Variants in KIAA1217 observed in about 807,000 individuals in gnomAD.
The protein encoded by KIAA1217 is KIAA1217.
KIAA1217 carries 88 observed loss-of-function variants against 163.9 expected under a neutral mutation model. The observed-to-expected ratio is 0.54, with a 90% CI of 0.45 to 0.64. KIAA1217 has a LOEUF of 0.64. KIAA1217 is among the 30% of genes least tolerant of loss of function. The pLI, the probability that KIAA1217 is intolerant of heterozygous loss-of-function variation, is 0.00. For missense variants in KIAA1217, 2,372 were observed against 2,475.0 expected (o/e 0.96, Z 0.88); for synonymous variants, 903 against 923.1 (o/e 0.98, Z 0.39).
chr10:23,967,674 T>C (rs1196448519), intron 1 of KIAA1217, among the ~76,000 whole-genome samples: 2 of 152,222 alleles, frequency 1.3e-5, no homozygotes, highest in Non-Finnish European at 2.9e-5. Context: ...AATTTGACAC[T>C]ATTATTTTGG....
intron 10 of KIAA1217, among the ~76,000 whole-genome samples, chr10:24,519,614 A>C (rs2070764595): frequency 6.6e-6 from 1 of 152,160 alleles, no homozygotes; most frequent in African/African-American, 2.4e-5. Flanking sequence ...GGGCGCTGCT[A>C]AACATCGTAC....
rs530373977 is a variant in KIAA1217 at position 24,148,206 on chromosome 10, A to G, written c.-170-71420A>G. ...ATTCTTAACTACTGCATTCATTACT[A>G]TGAATAGATTTAAAATTTTTCTTGC... is the stretch of plus-strand genomic sequence containing the variant. On this transcript the variant is annotated intron_variant, in intron 2 of 18. Transcript: ENST00000376462. 6.6e-5 allele frequency among the ~76,000 whole-genome samples: 10 copies of G among 152,230 alleles called. No homozygotes were observed. In the South Asian group the frequency reaches 1.9e-3, roughly 28 times the overall value.
intron 2 of KIAA1217, among the ~76,000 whole-genome samples, chr10:24,304,261 C>T (rs1014263442): frequency 6.8e-6 from 1 of 147,624 alleles, no homozygotes; most frequent in Admixed American, 6.8e-5. Flanking sequence ...TGCAACTGTC[C>T]TTCATTCTGT....
chr10:24,071,527 A>G (rs1336912710), intron 2 of KIAA1217, among the ~76,000 whole-genome samples: 1 of 152,196 alleles, frequency 6.6e-6, no homozygotes, highest in Non-Finnish European at 1.5e-5. Flanking sequence ...TTACAACTTA[A>G]TATCTGATTA....
intron 2 of KIAA1217, among the ~76,000 whole-genome samples, chr10:24,374,092 C>T (rs777166611): frequency 9.9e-5 from 15 of 152,040 alleles, no homozygotes; most frequent in South Asian, 2.1e-4. Flanking sequence ...GAAATATTAG[C>T]GTTGAAGAAA....
rs117185533 is a variant in KIAA1217, at chr10:23,962,389, C to A, written c.-320-44836C>A. Among the ~76,000 whole-genome samples, 441 of 152,208 alleles carry A rather than the reference C, an allele frequency of 2.9e-3. 1 individual carries two copies. Among genetic ancestry groups the A allele is most frequent in the Non-Finnish European group, 3.7e-3 (249 of 68,024 alleles). On this transcript the variant is annotated intron_variant, in intron 1 of 18. Transcript: ENST00000376462. Reference sequence around the variant, plus strand: ...AACAGATATTAACTCAAACATGGCACCTTCTTGTTATTTTTATCATCACCA... The same window carrying A: ...AACAGATATTAACTCAAACATGGCAACTTCTTGTTATTTTTATCATCACCA...
intron 1 of KIAA1217, among the ~76,000 whole-genome samples, chr10:23,864,072 G>GTTATTATTATTA (rs148144520): frequency 9.4e-4 from 140 of 149,214 alleles, no homozygotes; most frequent in African/African-American, 2.3e-3. Flanking sequence ...TTGTAAAGTA[G>GTTATTATTATTA]TTATTATTAT....
intron 5 of KIAA1217, among the ~76,000 whole-genome samples, chr10:24,459,732 G>A (rs1287018649): frequency 6.6e-6 from 1 of 152,104 alleles, no homozygotes; most frequent in African/African-American, 2.4e-5. Flanking sequence ...AGGCCAGCCT[G>A]GGCAATGTAG....
chr10:23,719,599 T>TAAATAAATAAATAAATAAATAAACAAAC (rs1338495673), intron 1 of KIAA1217, among the ~76,000 whole-genome samples: 8 of 147,742 alleles, frequency 5.4e-5, no homozygotes, highest in African/African-American at 2.0e-4. Flanking sequence ...AATAAATAAA[T>TAAATAAATAAATAAATAAATAAACAAAC]AAATAAATAA....
intron 2 of KIAA1217, among the ~76,000 whole-genome samples, chr10:24,338,033 A>G (rs1237161723): frequency 6.6e-6 from 1 of 152,148 alleles, no homozygotes; most frequent in African/African-American, 2.4e-5. Flanking sequence ...TGTTTTCTAA[A>G]TTTAACTTGA....
chr10:23,814,703 C>T (rs1837236120), intron 1 of KIAA1217, among the ~76,000 whole-genome samples: 2 of 152,140 alleles, frequency 1.3e-5, no homozygotes, highest in African/African-American at 4.8e-5. Flanking sequence ...AGTTAGGTTT[C>T]CTCAGTAAGA....
At chr10:24,045,261 C>T (rs950918290) in intron 2 of KIAA1217, among the ~76,000 whole-genome samples, 4 of 151,946 alleles carry the variant, frequency 2.6e-5, no homozygotes, top group South Asian at 2.1e-4. Flanking sequence ...CTCTCTCTCT[C>T]GAAGCTTTAA....
At chr10:24,473,067 C>T (rs573507764) in intron 5 of KIAA1217, among the ~76,000 whole-genome samples, 161 bp from the exon 6 acceptor site, 13 of 152,198 alleles carry the variant, frequency 8.5e-5, no homozygotes, top group Non-Finnish European at 1.9e-4. Flanking sequence ...TCAACTTCAC[C>T]CCATCTGCAA....
At chr10:23,846,544 G>T (rs1161716485) in intron 1 of KIAA1217, among the ~76,000 whole-genome samples, 1 of 151,716 alleles carries the variant, frequency 6.6e-6, no homozygotes, top group Non-Finnish European at 1.5e-5. Flanking sequence ...TCTGTTCTTG[G>T]TGTTGTATAG....
intron 5 of KIAA1217, among the ~76,000 whole-genome samples, chr10:24,442,004 C>T (rs1679382653): frequency 6.6e-6 from 1 of 152,138 alleles, no homozygotes; most frequent in Admixed American, 6.6e-5. Flanking sequence ...TGCTTTAAGA[C>T]AACTTTCCAA....
rs192173627 is a variant in KIAA1217 at position 24,009,440 on chromosome 10, T to C, written c.-171+2066T>C. On this transcript the variant is annotated intron_variant, in intron 2 of 18. Transcript: ENST00000376462. ...TTTGAAAAACAGGCTTTGAACTAGT[T>C]TGCTAGAATATAAAGAATAAATGTG... 2.0e-5 allele frequency among the ~76,000 whole-genome samples: 3 copies of C among 152,260 alleles called. No homozygotes were observed. In the East Asian group the frequency reaches 5.8e-4, roughly 29 times the overall value.
chr10:23,993,319 A>C lies in KIAA1217; in HGVS notation c.-320-13906A>C, dbSNP rs1241995494. Among the ~76,000 whole-genome samples the C allele has an allele frequency of 2.0e-5, 3 of 152,154 alleles. No individual in the cohort carries two copies. The East Asian group carries it at 5.8e-4, about 30-fold the overall frequency. On this transcript the variant is annotated intron_variant, in intron 1 of 18. Coordinates refer to the KIAA1217 transcript ENST00000376462. ...AGTGCTAGGACTACAGGCGTGAGCC[A>C]CTGCGCCCAGCCTGATAGCTTCCTT...
At chr10:23,721,541 A>G (rs1177621746) in intron 1 of KIAA1217, among the ~76,000 whole-genome samples, 1 of 151,928 alleles carries the variant, frequency 6.6e-6, no homozygotes, top group Non-Finnish European at 1.5e-5. Context: ...TTCCTTTTCA[A>G]TGCTTATCAA....
chr10:24,272,215 C>T (rs547214169), intron 2 of KIAA1217, among the ~76,000 whole-genome samples: 1 of 152,282 alleles, frequency 6.6e-6, no homozygotes, highest in African/African-American at 2.4e-5. Flanking sequence ...AGGGAAGTCA[C>T]TACTCAGTTA....
Sources: gnomAD v4.1 joint callset for allele counts (sites outside exome capture counted in the v4.1 genomes callset) on GRCh38, gnomAD v4.1.1 for gene constraint, MANE v1.5 for transcripts, NCBI Gene and HGNC (gene_info 2026-07-23, HGNC 2026-07-21) for gene names.